Variants in IL6R observed in about 807,000 individuals in gnomAD.
IL6R encodes the protein interleukin 6 receptor, also known as interleukin-6 receptor subunit alpha.
IL6R carries 38 observed loss-of-function variants against 48.3 expected under a neutral mutation model. The observed-to-expected ratio is 0.79, with a 90% CI of 0.61 to 1.03. IL6R has a LOEUF of 1.03. IL6R is among the 50% of genes least tolerant of loss of function. The pLI, the probability that IL6R is intolerant of heterozygous loss-of-function variation, is 0.00. For missense variants in IL6R, 534 were observed against 618.3 expected (o/e 0.86, Z 1.45); for synonymous variants, 264 against 256.2 (o/e 1.03, Z -0.29).
At chr1:154,424,975 TG>T (rs1231395354) in intron 1 of IL6R, among the ~76,000 whole-genome samples, 1 of 152,120 alleles carries the variant, frequency 6.6e-6, no homozygotes, top group East Asian at 1.9e-4. Context: ...TGTGATTGAT[TG>T]AGCAAGCAGG....
Position 154,429,304 on chromosome 1 carries a change from C to T in IL6R, c.194C>T (p.Pro65Leu), listed in dbSNP as rs78133617. ...ACTGTTCACTGGGTGCTCAGGAAGC[C>T]GGCTGCAGGCTCCCACCCCAGCAGA... ...NATVHWVLRK[P>L]AAGSHPSRWA... Residue 65 changes from proline (P) to leucine (L), a missense_variant, in exon 2 of 10, where the codon CCG becomes CTG. Pro to Leu is a moderately conservative substitution (Grantham distance 98). Transcript: ENST00000368485. The T allele has an allele frequency of 3.2e-4, 517 of 1,614,058 alleles. 2 individuals carry two copies. The African/African-American group carries it at 4.8e-3, about 15-fold the overall frequency.
intron 8 of IL6R, among the ~76,000 whole-genome samples, chr1:154,450,416 G>A (rs1184893549): frequency 2.0e-5 from 3 of 152,108 alleles, no homozygotes; most frequent in Non-Finnish European, 4.4e-5. Context: ...GAGCCACCGT[G>A]CCTGGCCAGA....
intron 6 of IL6R, among the ~76,000 whole-genome samples, chr1:154,442,683 C>T (rs530525097): frequency 3.0e-4 from 46 of 152,226 alleles, no homozygotes; most frequent in Non-Finnish European, 5.7e-4. Context: ...CCAGCACGGT[C>T]GGCAGCTTTC....
At chr1:154,449,449 G>A (rs1018274510) in intron 7 of IL6R, among the ~76,000 whole-genome samples, 9 of 152,122 alleles carry the variant, frequency 5.9e-5, no homozygotes, top group African/African-American at 9.7e-5. Flanking sequence ...GGAGGCGGAG[G>A]TTGCAGTGAG....
chr1:154,414,814 G>T, intron 1 of IL6R: 1 of 755,130 alleles, frequency 1.3e-6, no homozygotes, highest in Non-Finnish European at 2.4e-6. Context: ...CCGCTTCTGG[G>T]ACAGCAGGAA....
intron 1 of IL6R, chr1:154,414,878 C>G: frequency 1.3e-6 from 1 of 794,416 alleles, no homozygotes; most frequent in Non-Finnish European, 2.2e-6. Flanking sequence ...GGAAGCTGTT[C>G]CTTGTAATCA....
At chr1:154,432,357 CTT>C (rs1171656160) in intron 3 of IL6R, among the ~76,000 whole-genome samples, 48 of 139,234 alleles carry the variant, frequency 3.4e-4, no homozygotes, top group South Asian at 2.1e-3. Context: ...AACTGAAATA[CTT>C]TTTTTTTTTT....
chr1:154,461,136 T>A (rs1012587539), intron 9 of IL6R, among the ~76,000 whole-genome samples: 1 of 152,216 alleles, frequency 6.6e-6, no homozygotes, highest in Non-Finnish European at 1.5e-5. Context: ...TCTGCACTTA[T>A]AAGAAAGATC....
chr1:154,408,808 C>G (rs1687873316), intron 1 of IL6R, among the ~76,000 whole-genome samples: 1 of 152,222 alleles, frequency 6.6e-6, no homozygotes, highest in African/African-American at 2.4e-5. Flanking sequence ...TGGATTGAAG[C>G]TGTGCTCTGT....
intron 3 of IL6R, 42 bp downstream of exon 3, chr1:154,430,648 C>T: frequency 6.2e-7 from 1 of 1,613,236 alleles, no homozygotes; most frequent in Non-Finnish European, 8.5e-7. Flanking sequence ...TGGCTCCCTC[C>T]TTCCCGAGGC....
Position 154,405,684 on chromosome 1 carries a change from G to A in IL6R, c.55G>A (p.Ala19Thr), listed in dbSNP as rs758469371. 131 of 1,526,892 alleles carry A rather than the reference G, an allele frequency of 8.6e-5. No individual in the cohort carries two copies. Among genetic ancestry groups the A allele is most frequent in the Admixed American group, 2.0e-4 (10 of 50,350 alleles). The allele number at this position is 1,526,892 out of a possible 1,614,324, so 94.6% of individuals were successfully genotyped here. Reference protein sequence around the residue: ...LAALLAAPGAALAPRRCPAQE... With the variant: ...LAALLAAPGATLAPRRCPAQE... ...TGCCCTGCTGGCCGCGCCGGGAGCG[G>A]CGCTGGCCCCAAGGCGCTGCCCTGC... Residue 19 changes from alanine (A) to threonine (T), a missense_variant, in exon 1 of 10, where the codon GCG becomes ACG. Transcript: ENST00000368485. This position sits in a 1 kb window ranked among gnomAD's most constrained non-coding sequence, Gnocchi z 5.2.
chr1:154,441,270 A>T (rs974288108), intron 6 of IL6R, among the ~76,000 whole-genome samples: 1 of 151,962 alleles, frequency 6.6e-6, no homozygotes, highest in Non-Finnish European at 1.5e-5. Context: ...CTCTCCTTCT[A>T]TTGGAAGATG....
chr1:154,422,265 A>G (rs981779913), intron 1 of IL6R, among the ~76,000 whole-genome samples: 1 of 152,202 alleles, frequency 6.6e-6, no homozygotes, highest in African/African-American at 2.4e-5. Context: ...TGCCTTGCAT[A>G]TACTGTTCTC....
intron 3 of IL6R, 95 bp from the exon 4 acceptor site, chr1:154,434,424 G>T (rs1408528770): frequency 4.6e-6 from 5 of 1,076,044 alleles, no homozygotes; most frequent in South Asian, 3.0e-5. Context: ...CTGGAGCTGG[G>T]ATTCAAACCC....
chr1:154,451,804 G>T (rs1690598181), intron 8 of IL6R, among the ~76,000 whole-genome samples: 2 of 152,014 alleles, frequency 1.3e-5, no homozygotes, highest in African/African-American at 2.4e-5. Flanking sequence ...CCAAAGTGCT[G>T]GGATTACAGG....
At chr1:154,452,127 C>A (rs1690617415) in intron 8 of IL6R, among the ~76,000 whole-genome samples, 1 of 152,146 alleles carries the variant, frequency 6.6e-6, no homozygotes, top group Admixed American at 6.6e-5. Context: ...TCCTGGGCTG[C>A]CAACTGGTCT....
At chr1:154,439,859 A>ACCTGCCTGCCTG (rs1433094502) in intron 6 of IL6R, among the ~76,000 whole-genome samples, 6 of 151,426 alleles carry the variant, frequency 4.0e-5, no homozygotes, top group Non-Finnish European at 7.4e-5. Context: ...ATGCCTGCCT[A>ACCTGCCTGCCTG]CCTGCCTGCC....
intron 1 of IL6R, among the ~76,000 whole-genome samples, chr1:154,426,169 C>CACACAT (rs1688955769): frequency 6.7e-6 from 1 of 149,764 alleles, no homozygotes; most frequent in South Asian, 2.1e-4. Context: ...CAGACACACA[C>CACACAT]ACACACACAC....
At chr1:154,425,842 G>A (rs1688933074) in intron 1 of IL6R, among the ~76,000 whole-genome samples, 1 of 151,020 alleles carries the variant, frequency 6.6e-6, no homozygotes, top group African/African-American at 2.4e-5. Flanking sequence ...CACTTTGGGA[G>A]GCTAAGGCAG....
Sources: gnomAD v4.1 joint callset for allele counts (sites outside exome capture counted in the v4.1 genomes callset) on GRCh38, gnomAD v4.1.1 for gene constraint, Gnocchi (gnomAD v3.1) non-coding constraint, MANE v1.5 for transcripts, NCBI Gene and HGNC (gene_info 2026-07-23, HGNC 2026-07-21) for gene names.